ACOXL: variants seen among roughly 807,000 people sequenced by gnomAD.
ACOXL encodes the protein acyl-coenzyme A oxidase-like protein.
ACOXL carries 70 observed loss-of-function variants against 71.9 expected under a neutral mutation model. The observed-to-expected ratio is 0.97, with a 90% CI of 0.80 to 1.19. The LOEUF is 1.19. Ranked by LOEUF, ACOXL falls within the 50% of genes most tolerant of loss-of-function variation. The pLI, the probability that ACOXL is intolerant of heterozygous loss-of-function variation, is 0.00. For synonymous variants in ACOXL, 253 were observed against 281.6 expected, an observed-to-expected ratio of 0.90 and a Z score of 1.02; for missense variants, 703 against 736.3, an observed-to-expected ratio of 0.95 and a Z score of 0.52.
chr2:110,895,656 C>A (rs908086292), intron 10 of ACOXL, among the ~76,000 whole-genome samples: 2 of 143,536 alleles, frequency 1.4e-5, no homozygotes, highest in African/African-American at 2.5e-5. Context: ...AAGAAAAAAT[C>A]TTGAAAACAA....
In ACOXL at chr2:110,757,742, GT is replaced by G. The variant is rs60916256; in HGVS notation, c.-22-10615del. Among the ~76,000 whole-genome samples, 168 of 145,740 alleles carry G rather than the reference GT, an allele frequency of 1.2e-3. 1 individual carries two copies. The highest frequency in any genetic ancestry group is 8.8e-3 in the East Asian group (44 of 5,026). On this transcript the variant is annotated intron_variant, in intron 1 of 17. Transcript: ENST00000439055. The stretch of plus-strand genomic sequence containing the variant: ...GGTCCTTTGCCTACCTTTTAATGGG[GT>G]TTTTTTTTTTCTTGTCAATTTGTTT...
Position 110,874,605 on chromosome 2 carries a change from C to T in ACOXL, c.788+33200C>T, listed in dbSNP as rs1390692888. Among the ~76,000 whole-genome samples, 4 of 152,248 alleles carry T rather than the reference C, an allele frequency of 2.6e-5. 1 individual carries two copies. The East Asian group carries it at 7.7e-4, about 29-fold the overall frequency. ...TTCTGCACATGACTCTGGATGGCCTCCTTCAGCACAGGGGAGGGGAGTGGT... is the reference window on the plus strand; with the variant it reads ...TTCTGCACATGACTCTGGATGGCCTTCTTCAGCACAGGGGAGGGGAGTGGT... On this transcript the variant is annotated intron_variant, in intron 10 of 17. Coordinates refer to ENST00000439055, the MANE Select transcript of ACOXL (RefSeq NM_001142807.4).
At chr2:110,810,961 G>A (rs1204220137) in intron 9 of ACOXL, among the ~76,000 whole-genome samples, 1 of 152,160 alleles carries the variant, frequency 6.6e-6, no homozygotes, top group Non-Finnish European at 1.5e-5. Context: ...AGGGGGAAAA[G>A]CCCCCTTATA....
At chr2:110,763,563 A>G (rs1024915151) in intron 1 of ACOXL, among the ~76,000 whole-genome samples, 1 of 152,234 alleles carries the variant, frequency 6.6e-6, no homozygotes, top group African/African-American at 2.4e-5. Context: ...TCACAGGCCT[A>G]AATGTAAAAT....
At chr2:111,109,515 C>T (rs572958759) in intron 17 of ACOXL, among the ~76,000 whole-genome samples, 13 of 151,800 alleles carry the variant, frequency 8.6e-5, no homozygotes, top group South Asian at 2.1e-4. Flanking sequence ...ATTTTTGTTC[C>T]GCAATACTCA....
chr2:110,936,062 C>G (rs1027174946), intron 12 of ACOXL, among the ~76,000 whole-genome samples: 1 of 152,284 alleles, frequency 6.6e-6, no homozygotes, highest in East Asian at 1.9e-4. Context: ...CCACTTACCT[C>G]TTGCTGTGTG....
At position 110,933,487 on chromosome 2, in the gene ACOXL, A is replaced by G. The variant is rs989577588; in HGVS notation, c.906-2A>G. ...ATCACACATGTCTGCTTTGTCCTGCAGGTATGCTGGGGCCCTCCTGGATGA... is the reference window on the plus strand; with the variant it reads ...ATCACACATGTCTGCTTTGTCCTGCGGGTATGCTGGGGCCCTCCTGGATGA... On this transcript the variant is annotated splice_acceptor_variant, in intron 11 of 17. Transcript: ENST00000439055. LOFTEE classifies it high-confidence loss of function. 1.9e-6 allele frequency: 3 copies of G among 1,613,240 alleles called. No individual in the cohort carries two copies. The highest frequency in any genetic ancestry group is 2.5e-6 in the Non-Finnish European group (3 of 1,179,560).
In ACOXL at chr2:110,883,107, G is replaced by GTTTTTT. The variant is rs34915436; in HGVS notation, c.789-25665_789-25660dup. Among the ~76,000 whole-genome samples, 91 of 109,260 alleles carry GTTTTTT rather than the reference G, an allele frequency of 8.3e-4. 4 individuals carry two copies. Among genetic ancestry groups the GTTTTTT allele is most frequent in the Non-Finnish European group, 1.0e-3 (58 of 55,372 alleles). The allele number at this position is 109,260 out of a possible 152,430, so 71.7% of individuals were successfully genotyped here. ...GCATTCCATGCCCTTTTTGTCACTG[G>GTTTTTT]TTTTTTTTTTTTTTTTTTTTTTGAG... On this transcript the variant is annotated intron_variant, in intron 10 of 17. Coordinates refer to ENST00000439055, the MANE Select transcript of ACOXL (RefSeq NM_001142807.4).
chr2:110,929,953 G>A (rs886573683), intron 11 of ACOXL, among the ~76,000 whole-genome samples: 11 of 152,350 alleles, frequency 7.2e-5, no homozygotes, highest in African/African-American at 2.4e-4. Flanking sequence ...GTTTGCTGCA[G>A]GGGCGGGGCC....
At chr2:110,815,361 A>C (rs568106132) in intron 9 of ACOXL, among the ~76,000 whole-genome samples, 2 of 152,316 alleles carry the variant, frequency 1.3e-5, no homozygotes, top group East Asian at 3.9e-4. Flanking sequence ...TAATATCTTC[A>C]AGCTTCTTGA....
Position 110,767,257 on chromosome 2 carries a change from T to C in ACOXL, c.-22-1111T>C, listed in dbSNP as rs111659670. 4.0e-4 allele frequency among the ~76,000 whole-genome samples: 61 copies of C among 152,274 alleles called. 1 individual carries two copies. The highest frequency in any genetic ancestry group is 1.4e-3 in the African/African-American group (57 of 41,556). ...CTCCTCCTGTGTCAGTTTAGGTTCA[T>C]TGAGAAGTGGGCACCAAGGTGGGGC... is the stretch of plus-strand genomic sequence containing the variant. On this transcript the variant is annotated intron_variant, in intron 1 of 17. Transcript: ENST00000439055.
chr2:111,019,862 T>C (rs1168039937), intron 14 of ACOXL, among the ~76,000 whole-genome samples: 1 of 152,132 alleles, frequency 6.6e-6, no homozygotes, highest in Non-Finnish European at 1.5e-5. Context: ...ACTTTCTTTT[T>C]CTTTTTCTTT....
intron 10 of ACOXL, among the ~76,000 whole-genome samples, chr2:110,849,186 G>A (rs1488165559): frequency 6.6e-6 from 1 of 152,196 alleles, no homozygotes; most frequent in Non-Finnish European, 1.5e-5. Context: ...CAGGCAACAG[G>A]TGGGAAAGGC....
intron 11 of ACOXL, among the ~76,000 whole-genome samples, chr2:110,924,808 C>G (rs1382894736): frequency 8.5e-6 from 1 of 118,178 alleles, no homozygotes; most frequent in African/African-American, 2.8e-5. Context: ...TTCTTAATGG[C>G]CTTTAGATTG....
intron 14 of ACOXL, among the ~76,000 whole-genome samples, chr2:111,013,374 A>G (rs1294374084): frequency 6.6e-6 from 1 of 151,942 alleles, no homozygotes; most frequent in Admixed American, 6.6e-5. Context: ...AAATACAAAA[A>G]TTAGCCAGGT....
At chr2:110,878,015 A>G (rs1018903976) in intron 10 of ACOXL, among the ~76,000 whole-genome samples, 2 of 152,162 alleles carry the variant, frequency 1.3e-5, no homozygotes, top group Non-Finnish European at 2.9e-5. Flanking sequence ...TTATTTCTCA[A>G]CGTTTTTAAG....
chr2:110,903,528 A>G (rs2059327438), intron 10 of ACOXL, among the ~76,000 whole-genome samples: 1 of 152,226 alleles, frequency 6.6e-6, no homozygotes, highest in Non-Finnish European at 1.5e-5. Context: ...TTTAAAGACC[A>G]TGAAAAATTT....
rs1491355100 is a variant in ACOXL at position 110,915,350 on chromosome 2, A to ATATATATATGTGTG, written c.905+6446_905+6447insATATATATGTGTGT. Among the ~76,000 whole-genome samples the ATATATATATGTGTG allele has an allele frequency of 4.4e-5, 5 of 113,634 alleles. No individual in the cohort carries two copies. In the South Asian group the frequency reaches 1.1e-3, roughly 26 times the overall value. 74.5% of individuals were successfully genotyped at this position (113,634 alleles called of 152,430 possible). On this transcript the variant is annotated intron_variant, in intron 11 of 17. Coordinates refer to ENST00000439055, the MANE Select transcript of ACOXL (RefSeq NM_001142807.4). ...TTATATGCATTTTATATATATATAT[A>ATATATATATGTGTG]TGTGTGTGTGTGTGTGTGTGTGTGT...
chr2:110,989,065 T>G (rs2063064036), intron 13 of ACOXL, among the ~76,000 whole-genome samples: 1 of 152,190 alleles, frequency 6.6e-6, no homozygotes, highest in Admixed American at 6.5e-5. Flanking sequence ...ATCCAACACT[T>G]TTTCTGCATC....
Sources: allele counts gnomAD v4.1 joint callset (sites outside exome capture counted in the v4.1 genomes callset), GRCh38; gene constraint gnomAD v4.1.1; transcripts MANE v1.5; gene names NCBI Gene and HGNC (gene_info 2026-07-23, HGNC 2026-07-21).